IRAG1: variants seen among roughly 807,000 people sequenced by gnomAD.
IRAG1 encodes the protein IP3R-associated cGMP kinase substrate.
IRAG1 carries 62 observed loss-of-function variants against 106.2 expected under a neutral mutation model. The observed-to-expected ratio is 0.58, with a 90% CI of 0.48 to 0.72. IRAG1 has a LOEUF of 0.72. Among genes scored for constraint, IRAG1 ranks in the 30% least tolerant of loss-of-function variants. The pLI is 0.00. For synonymous variants in IRAG1, 462 were observed against 443.9 expected (o/e 1.04, Z -0.51); for missense variants, 1,064 against 1,140.7 (o/e 0.93, Z 0.97).
At chr11:10,671,475 G>GTTATTGGATGGATCAC (rs1218264749) in intron 1 of IRAG1, among the ~76,000 whole-genome samples, 1 of 152,176 alleles carries the variant, frequency 6.6e-6, no homozygotes, top group Non-Finnish European at 1.5e-5. Flanking sequence ...ACTTTGGGAG[G>GTTATTGGATGGATCAC]CTGAGGTGGG....
chr11:10,656,568 A>C (rs1484862014), intron 1 of IRAG1, among the ~76,000 whole-genome samples: 1 of 152,238 alleles, frequency 6.6e-6, no homozygotes, highest in African/African-American at 2.4e-5. Context: ...GCTTTTGTTC[A>C]TGCTTTCATT....
At chr11:10,614,742 A>G (rs1855258126) in intron 10 of IRAG1, among the ~76,000 whole-genome samples, 1 of 152,272 alleles carries the variant, frequency 6.6e-6, no homozygotes, top group South Asian at 2.1e-4. Context: ...AGCCATATGT[A>G]GAAAGCTGAA....
chr11:10,641,565 G>A (rs1857510496), intron 2 of IRAG1, among the ~76,000 whole-genome samples: 1 of 152,182 alleles, frequency 6.6e-6, no homozygotes, highest in Non-Finnish European at 1.5e-5. Flanking sequence ...AACAAACATG[G>A]CTAGAGGGAA....
chr11:10,588,678 C>G (rs1449801592), intron 18 of IRAG1, among the ~76,000 whole-genome samples: 1 of 145,912 alleles, frequency 6.9e-6, no homozygotes, highest in East Asian at 1.9e-4. Context: ...GCTCTCTCTT[C>G]CCCCCACTTC....
intron 15 of IRAG1, 22 bp from the exon 16 acceptor site, chr11:10,594,217 AAG>A: frequency 6.2e-7 from 1 of 1,603,860 alleles, no homozygotes; most frequent in Non-Finnish European, 8.5e-7. Context: ...GGGAGCAGAG[AAG>A]AGAACACAGG....
intron 17 of IRAG1, among the ~76,000 whole-genome samples, chr11:10,592,350 G>A (rs769323713): frequency 3.3e-5 from 5 of 152,198 alleles, no homozygotes; most frequent in Non-Finnish European, 2.9e-5. Context: ...TTTAGGCAAA[G>A]TATGGGAAAT....
At chr11:10,596,305 C>T (rs1564898055) in intron 15 of IRAG1, among the ~76,000 whole-genome samples, 1 of 152,188 alleles carries the variant, frequency 6.6e-6, no homozygotes, top group Non-Finnish European at 1.5e-5. Flanking sequence ...GTATCTTAGC[C>T]ATCTGTGTTA....
rs755791184 is a variant in IRAG1 at position 10,629,662 on chromosome 11, G to A, written c.450C>T (p.Ile150=). ...IDLVNDQLPD[I]SISEEDKKKN... is the part of the protein sequence containing the mutation. ...TCTTCTTGTCCTCCTCTGAGATGCT[G>A]ATGTCTGGCAGCTGGTCATTCACCA... The change falls in exon 5 of 21, where the codon ATC becomes ATT. Residue 150 remains isoleucine, a synonymous_variant. Transcript: ENST00000423302. 1.2e-6 allele frequency: 2 copies of A among 1,613,918 alleles called. No homozygotes were observed. Among genetic ancestry groups the A allele is most frequent in the Admixed American group, 1.7e-5 (1 of 60,006 alleles).
At chr11:10,623,644 C>T (rs979477291) in intron 10 of IRAG1, 134 bp downstream of exon 10, 13 of 829,794 alleles carry the variant, frequency 1.6e-5, no homozygotes, top group African/African-American at 1.2e-4. Context: ...AAGACACAAT[C>T]GGATTCATTC....
chr11:10,691,648 C>T (rs147958164), intron 1 of IRAG1, among the ~76,000 whole-genome samples: 6 of 152,222 alleles, frequency 3.9e-5, no homozygotes, highest in Non-Finnish European at 7.4e-5. Context: ...ATTTAACATC[C>T]CCTAGCCCCA....
rs1445016713 is a variant in IRAG1, at chr11:10,627,734, T to G, written c.732A>C (p.Ser244=). ...AACTCACAGGCTCGCCAGGGTGAGG[T>G]GAAGAGACGTCGGCCTCATCCCCCT... is the stretch of plus-strand genomic sequence containing the variant. ...PQKGDEADVS[S]PHPGEPNVPK... is the part of the protein sequence containing the mutation. Residue 244 remains serine, a synonymous_variant, in exon 8 of 21, where the codon TCA becomes TCC. Transcript: ENST00000423302. The G allele has an allele frequency of 6.2e-7, 1 of 1,613,652 alleles. No individual in the cohort carries two copies. Among genetic ancestry groups the G allele is most frequent in the Non-Finnish European group, 8.5e-7 (1 of 1,179,862 alleles).
chr11:10,672,505 T>C (rs1043405154), intron 1 of IRAG1, among the ~76,000 whole-genome samples: 1 of 152,226 alleles, frequency 6.6e-6, no homozygotes, highest in African/African-American at 2.4e-5. Context: ...AATTTTTAAA[T>C]GGGCAAAATA....
Position 10,656,990 on chromosome 11 carries a change from G to T in IRAG1, c.68-4808C>A, listed in dbSNP as rs183240755. Among the ~76,000 whole-genome samples, 294 of 152,286 alleles carry T rather than the reference G, an allele frequency of 1.9e-3. 1 individual carries two copies. Among genetic ancestry groups the T allele is most frequent in the African/African-American group, 6.8e-3 (284 of 41,556 alleles). ...GTTGTCGGGCCGGGGTCTTATGAGG[G>T]CTAAAGAGTGGCCTACAGTTGAGCC... is the stretch of plus-strand genomic sequence containing the variant. On this transcript the variant is annotated intron_variant, in intron 1 of 20. Transcript: ENST00000423302.
chr11:10,665,820 TGTGTACACAAGAAGACAC>T lies in IRAG1; in HGVS notation c.68-13656_68-13639del, dbSNP rs1308741581. On this transcript the variant is annotated intron_variant, in intron 1 of 20. Transcript: ENST00000423302. The surrounding 1 kb of genome is among the most constrained non-coding windows in gnomAD (Gnocchi z 4.2). ...CTGAGCTGAACTGCAGGATGGTGGGTGTGTACACAAGAAGACACGTGATAAAGTAAAAGTGAGCAGTCC... is the reference window on the plus strand; with the variant it reads ...CTGAGCTGAACTGCAGGATGGTGGGTGTGATAAAGTAAAAGTGAGCAGTCC... Among the ~76,000 whole-genome samples, 3 of 152,156 alleles carry T rather than the reference TGTGTACACAAGAAGACAC, an allele frequency of 2.0e-5. No individual in the cohort carries two copies. Among genetic ancestry groups the T allele is most frequent in the Admixed American group, 2.0e-4 (3 of 15,270 alleles).
chr11:10,636,890 G>A (rs1357796288), intron 2 of IRAG1, among the ~76,000 whole-genome samples: 1 of 152,236 alleles, frequency 6.6e-6, no homozygotes, highest in African/African-American at 2.4e-5. Context: ...CTGGGAATCA[G>A]GGATTTGTCA....
chr11:10,627,914 G>T, intron 7 of IRAG1, 59 bp downstream of exon 7: 1 of 1,578,986 alleles, frequency 6.3e-7, no homozygotes, highest in Non-Finnish European at 8.6e-7. Flanking sequence ...CTGGTGTTCG[G>T]GGTAAGGGGA....
intron 4 of IRAG1, 50 bp from the exon 5 acceptor site, chr11:10,629,761 A>T: frequency 6.3e-7 from 1 of 1,576,200 alleles, no homozygotes; most frequent in Non-Finnish European, 8.6e-7. Flanking sequence ...CCGTGGCCCC[A>T]GGCTGAGGTC....
At chr11:10,673,719 G>A (rs1334348420) in intron 1 of IRAG1, among the ~76,000 whole-genome samples, 1 of 151,876 alleles carries the variant, frequency 6.6e-6, no homozygotes, top group Non-Finnish European at 1.5e-5. Context: ...AGAGAAGGAA[G>A]CTAGCTTTGG....
At chr11:10,610,725 G>A (rs550770725) in intron 10 of IRAG1, among the ~76,000 whole-genome samples, 2 of 152,298 alleles carry the variant, frequency 1.3e-5, no homozygotes, top group East Asian at 1.9e-4. Context: ...AAATGTCCCT[G>A]GCATTGATGT....
Sources: allele counts gnomAD v4.1 joint callset (sites outside exome capture counted in the v4.1 genomes callset), GRCh38; gene constraint gnomAD v4.1.1; non-coding constraint Gnocchi (gnomAD v3.1); transcripts MANE v1.5; gene names NCBI Gene and HGNC (gene_info 2026-07-23, HGNC 2026-07-21).